Variants in KCNQ5 observed in about 807,000 individuals in gnomAD.
The protein encoded by KCNQ5 is potassium voltage-gated channel subfamily Q member 5.
A neutral mutation model predicts 98.2 loss-of-function variants in KCNQ5; 30 were observed. The observed-to-expected ratio is 0.31, with a 90% CI of 0.23 to 0.41. The LOEUF (loss-of-function observed/expected upper bound fraction) is 0.41. Ranked by LOEUF, KCNQ5 falls within the 10% of genes least tolerant of loss-of-function variation. The pLI is 1.00. For synonymous variants in KCNQ5, 458 were observed against 449.4 expected, an observed-to-expected ratio of 1.02 and a Z score of -0.24; for missense variants, 835 against 1,182.5, an observed-to-expected ratio of 0.71 and a Z score of 4.31.
chr6:72,799,843 C>T (rs1017957421), intron 1 of KCNQ5, among the ~76,000 whole-genome samples: 1 of 152,126 alleles, frequency 6.6e-6, no homozygotes, highest in Non-Finnish European at 1.5e-5. Flanking sequence ...CTCACAGCAA[C>T]CTCATAAAAC....
chr6:73,146,683 A>G lies in KCNQ5; in HGVS notation c.1468+13042A>G, dbSNP rs186208061. On this transcript the variant is annotated intron_variant, in intron 10 of 13. Coordinates refer to ENST00000370398, the MANE Select transcript of KCNQ5 (RefSeq NM_019842.4). ...TTCATTGATCTCATCTAGTTTGACT[A>G]GTTCAATTATACATGTGAGAAGGCT... is the stretch of plus-strand genomic sequence containing the variant. 5.2e-4 allele frequency among the ~76,000 whole-genome samples: 77 copies of G among 148,128 alleles called. No individual in the cohort carries two copies. The Middle Eastern group carries it at 0.017, about 34-fold the overall frequency.
intron 1 of KCNQ5, among the ~76,000 whole-genome samples, chr6:72,946,681 C>A (rs1261957630): frequency 6.6e-6 from 1 of 152,150 alleles, no homozygotes; most frequent in African/African-American, 2.4e-5. Context: ...CCTTAACATT[C>A]AATCTAATTG....
chr6:72,875,967 T>G lies in KCNQ5; in HGVS notation c.399-127941T>G, dbSNP rs150337035. 8.3e-3 allele frequency among the ~76,000 whole-genome samples: 1,264 copies of G among 152,196 alleles called. 14 individuals carry two copies. The highest frequency in any genetic ancestry group is 0.027 in the African/African-American group (1,118 of 41,580). On this transcript the variant is annotated intron_variant, in intron 1 of 13. Coordinates refer to ENST00000370398, the MANE Select transcript of KCNQ5 (RefSeq NM_019842.4). Reference sequence around the variant, plus strand: ...CCCATATATATAATGTATAGAGTTGTTTGTGTTACTTTTCTTTTTTATAGA... The same window carrying G: ...CCCATATATATAATGTATAGAGTTGGTTGTGTTACTTTTCTTTTTTATAGA...
chr6:72,739,759 T>C (rs1328831648), intron 1 of KCNQ5, among the ~76,000 whole-genome samples: 1 of 152,236 alleles, frequency 6.6e-6, no homozygotes, highest in African/African-American at 2.4e-5. Flanking sequence ...GCAGCTCTAC[T>C]GACTATTCGA....
chr6:72,865,759 A>G (rs1367635233), intron 1 of KCNQ5, among the ~76,000 whole-genome samples: 2 of 152,140 alleles, frequency 1.3e-5, no homozygotes, highest in African/African-American at 4.8e-5. Context: ...ACTCATGTGT[A>G]CCCCTCATCC....
chr6:72,741,536 G>C (rs577773483), intron 1 of KCNQ5, among the ~76,000 whole-genome samples: 1 of 152,208 alleles, frequency 6.6e-6, no homozygotes, highest in East Asian at 1.9e-4. Context: ...AGTTGGAGGA[G>C]GTGAAAAGAA....
At chr6:72,907,369 A>T (rs570455385) in intron 1 of KCNQ5, among the ~76,000 whole-genome samples, 2 of 152,278 alleles carry the variant, frequency 1.3e-5, no homozygotes, top group East Asian at 3.9e-4. Context: ...TTCTATAACT[A>T]ATCATTTATA....
At chr6:73,036,666 T>C (rs371173552) in intron 2 of KCNQ5, among the ~76,000 whole-genome samples, 1 of 152,238 alleles carries the variant, frequency 6.6e-6, no homozygotes, top group East Asian at 1.9e-4. Context: ...TGTTACTCTG[T>C]GTATCAATAG....
At chr6:72,625,361 G>C (rs143944036) in intron 1 of KCNQ5, among the ~76,000 whole-genome samples, 1 of 152,192 alleles carries the variant, frequency 6.6e-6, no homozygotes, top group African/African-American at 2.4e-5. Context: ...GGAGATCCTT[G>C]CCCTTACTAT....
intron 1 of KCNQ5, among the ~76,000 whole-genome samples, chr6:72,841,349 A>C (rs983017558): frequency 7.2e-5 from 11 of 152,140 alleles, no homozygotes; most frequent in African/African-American, 2.7e-4. Context: ...CATGCATCCC[A>C]TTCTTCCAAC....
At chr6:72,848,768 T>G (rs533841390) in intron 1 of KCNQ5, among the ~76,000 whole-genome samples, 165 of 152,246 alleles carry the variant, frequency 1.1e-3, no homozygotes, top group African/African-American at 3.8e-3. Flanking sequence ...TGATAGTGAG[T>G]GAGTTCTCAC....
At chr6:73,135,409 T>TAAAA (rs771804999) in intron 10 of KCNQ5, 21 of 131,446 alleles carry the variant, frequency 1.6e-4, no homozygotes, top group African/African-American at 5.7e-4. Flanking sequence ...TTTTCTTTTT[T>TAAAA]AAAAAAAAAA....
chr6:73,112,507 G>A lies in KCNQ5; in HGVS notation c.1125+1104G>A, dbSNP rs568793488. ...ACTACAGGCACCCGCCACCGCGCCC[G>A]GCTAATTTTTTGTATTTTTAGTAGA... On this transcript the variant is annotated intron_variant, in intron 7 of 13. Coordinates refer to ENST00000370398, the MANE Select transcript of KCNQ5 (RefSeq NM_019842.4). 3.3e-5 allele frequency among the ~76,000 whole-genome samples: 5 copies of A among 152,126 alleles called. No homozygotes were observed. The South Asian group carries it at 6.2e-4, about 19-fold the overall frequency.
chr6:72,719,191 T>G (rs1047448686), intron 1 of KCNQ5, among the ~76,000 whole-genome samples: 4 of 152,352 alleles, frequency 2.6e-5, no homozygotes, highest in African/African-American at 9.6e-5. Context: ...TTCAGATATT[T>G]AGACCAACTT....
At chr6:72,884,459 T>C (rs1001910173) in intron 1 of KCNQ5, among the ~76,000 whole-genome samples, 4 of 152,116 alleles carry the variant, frequency 2.6e-5, no homozygotes, top group African/African-American at 9.7e-5. Flanking sequence ...CAGTGAGAGA[T>C]GAGAGATAGC....
chr6:73,124,451 A>C, intron 8 of KCNQ5, 35 bp from the exon 9 acceptor site: 1 of 1,610,504 alleles, frequency 6.2e-7, no homozygotes, highest in Non-Finnish European at 8.5e-7. Flanking sequence ...TCACTGGTTT[A>C]TCATCATTTC....
chr6:72,725,161 T>A (rs918246775), intron 1 of KCNQ5, among the ~76,000 whole-genome samples: 2 of 152,188 alleles, frequency 1.3e-5, no homozygotes, highest in Non-Finnish European at 2.9e-5. Context: ...GAATTTGGTA[T>A]CCTTTCAAAT....
intron 1 of KCNQ5, among the ~76,000 whole-genome samples, chr6:72,658,489 C>T (rs1313598073): frequency 6.8e-6 from 1 of 147,910 alleles, no homozygotes; most frequent in African/African-American, 2.5e-5. Context: ...TCATGTTGGC[C>T]AGGCTGGTCC....
chr6:73,183,830 G>A (rs945887097), intron 11 of KCNQ5, among the ~76,000 whole-genome samples: 2 of 152,186 alleles, frequency 1.3e-5, no homozygotes, highest in African/African-American at 4.8e-5. Flanking sequence ...TTCATTCACA[G>A]AGTATGATGG....
Sources: gnomAD v4.1 joint callset for allele counts (sites outside exome capture counted in the v4.1 genomes callset) on GRCh38, gnomAD v4.1.1 for gene constraint, MANE v1.5 for transcripts, NCBI Gene and HGNC (gene_info 2026-07-23, HGNC 2026-07-21) for gene names.